Variants in PDE4D observed in about 807,000 individuals in gnomAD.
PDE4D encodes phosphodiesterase 4D.
A neutral mutation model predicts 87.4 loss-of-function variants in PDE4D; 24 were observed. That is an observed-to-expected ratio of 0.27 (90% CI 0.20 to 0.39). The LOEUF is 0.39. PDE4D is among the 10% of genes least tolerant of loss of function. The pLI, the probability that PDE4D is intolerant of heterozygous loss-of-function variation, is 1.00. For missense variants in PDE4D, 714 were observed against 1,041.0 expected, an observed-to-expected ratio of 0.69 and a Z score of 4.32; for synonymous variants, 384 against 383.2, an observed-to-expected ratio of 1.00 and a Z score of -0.02.
At chr5:59,893,729 C>T, upstream of PDE4D, 1 of 1,376,224 alleles carries the variant, frequency 7.3e-7, no homozygotes. Context: ...GCTTCTGCAG[C>T]CCAGCAGAGG....
intron 1 of PDE4D, among the ~76,000 whole-genome samples, chr5:60,371,568 CA>C (rs1761034525): frequency 6.6e-6 from 1 of 152,128 alleles, no homozygotes; most frequent in Non-Finnish European, 1.5e-5. Flanking sequence ...AGAAAGTACA[CA>C]AATCATAAAG....
Position 60,423,598 on chromosome 5 carries a change from A to AT in PDE4D, c.-90+64343dup, listed in dbSNP as rs550899816. On this transcript the variant is annotated intron_variant, in intron 1 of 16. Transcript: ENST00000502484. ...ATGCACACAAGAGAAAGCAGGAAAGATCTAAAATCGACACCTTAACATCAC... is the reference window on the plus strand; with the variant it reads ...ATGCACACAAGAGAAAGCAGGAAAGATTCTAAAATCGACACCTTAACATCAC... Among the ~76,000 whole-genome samples the AT allele has an allele frequency of 1.8e-3, 281 of 152,298 alleles. 1 individual carries two copies. The highest frequency in any genetic ancestry group is 2.6e-3 in the Non-Finnish European group (177 of 68,026).
intron 5 of PDE4D, among the ~76,000 whole-genome samples, chr5:59,173,297 A>G (rs1783303908): frequency 6.6e-6 from 1 of 152,232 alleles, no homozygotes; most frequent in East Asian, 1.9e-4. Context: ...CCACGGTGTC[A>G]GATCTGATCT....
chr5:60,507,589 T>G (rs942158459), intron 1 of PDE4D, among the ~76,000 whole-genome samples: 1 of 152,162 alleles, frequency 6.6e-6, no homozygotes, highest in Non-Finnish European at 1.5e-5. Context: ...ATACTGCCAC[T>G]GACAATATAG....
intron 3 of PDE4D, among the ~76,000 whole-genome samples, chr5:59,966,775 A>G (rs1737708785): frequency 6.6e-6 from 1 of 152,218 alleles, no homozygotes; most frequent in Non-Finnish European, 1.5e-5. Flanking sequence ...GTTTAATAAC[A>G]GAGCTTAGTG....
At chr5:59,530,276 T>TA (rs1046078034) in intron 1 of PDE4D, among the ~76,000 whole-genome samples, 11 of 151,302 alleles carry the variant, frequency 7.3e-5, no homozygotes, top group South Asian at 2.1e-4. Flanking sequence ...TACTAAAACT[T>TA]AAAAAAAAAT....
At chr5:59,479,014 G>A (rs893067543) in intron 1 of PDE4D, among the ~76,000 whole-genome samples, 2 of 152,042 alleles carry the variant, frequency 1.3e-5, no homozygotes, top group African/African-American at 4.8e-5. Context: ...AATATCTGTT[G>A]CTTTTGGGTG....
chr5:60,351,665 T>C (rs1471979989), intron 1 of PDE4D, among the ~76,000 whole-genome samples: 1 of 152,206 alleles, frequency 6.6e-6, no homozygotes, highest in South Asian at 2.1e-4. Context: ...AATAAACACG[T>C]ATGTCTGTAT....
At chr5:60,265,700 G>A (rs1257907162) in intron 1 of PDE4D, among the ~76,000 whole-genome samples, 2 of 152,064 alleles carry the variant, frequency 1.3e-5, no homozygotes, top group African/African-American at 2.4e-5. Context: ...CTCCCACTCT[G>A]TACCTGGCAA....
At chr5:60,015,651 TAATCAGTA>T (rs1765433311) in intron 2 of PDE4D, among the ~76,000 whole-genome samples, 1 of 152,136 alleles carries the variant, frequency 6.6e-6, no homozygotes, top group Non-Finnish European at 1.5e-5. Context: ...TAGATGAGAT[TAATCAGTA>T]AATGAGTAAA....
chr5:59,122,591 G>A (rs149706803), intron 5 of PDE4D, among the ~76,000 whole-genome samples: 3 of 152,256 alleles, frequency 2.0e-5, no homozygotes, highest in African/African-American at 7.2e-5. Flanking sequence ...TAAATACCCC[G>A]ATTCCATCAT....
chr5:59,661,988 C>T (rs1428669044), intron 1 of PDE4D, among the ~76,000 whole-genome samples: 1 of 152,134 alleles, frequency 6.6e-6, no homozygotes, highest in Non-Finnish European at 1.5e-5. Context: ...ATTGCTGAGA[C>T]CCATTGTCTG....
At chr5:59,446,257 C>G (rs954464796) in intron 1 of PDE4D, among the ~76,000 whole-genome samples, 1 of 151,840 alleles carries the variant, frequency 6.6e-6, no homozygotes, top group African/African-American at 2.4e-5. Flanking sequence ...AATTTTAACA[C>G]TTATAAGTGT....
chr5:59,841,912 C>A (rs150607594), intron 1 of PDE4D, among the ~76,000 whole-genome samples: 338 of 152,100 alleles, frequency 2.2e-3, no homozygotes, highest in African/African-American at 7.8e-3. Flanking sequence ...AGGAAGGGGG[C>A]TGCAGAGAGA....
rs1479350649 is a variant in PDE4D at position 60,089,618 on chromosome 5, A to G, written c.42+95939T>C. Among the ~76,000 whole-genome samples, 6 of 152,094 alleles carry G rather than the reference A, an allele frequency of 3.9e-5. No individual in the cohort carries two copies. The East Asian group carries it at 1.2e-3, about 29-fold the overall frequency. On this transcript the variant is annotated intron_variant, in intron 2 of 16. Transcript: ENST00000502484. Reference sequence around the variant, plus strand: ...AAAGACTTCAAACAAACAACCTAACATTGTACTTCAAGGAACTAAAAAAGC... The same window carrying G: ...AAAGACTTCAAACAAACAACCTAACGTTGTACTTCAAGGAACTAAAAAAGC...
chr5:59,286,858 G>A (rs1042857028), intron 1 of PDE4D, among the ~76,000 whole-genome samples: 4 of 152,112 alleles, frequency 2.6e-5, no homozygotes, highest in Non-Finnish European at 5.9e-5. Flanking sequence ...TACTATGTTG[G>A]TTCTTTCCTT....
At position 58,969,460 on chromosome 5, in the gene PDE4D, C is replaced by T. The variant is rs1367937586; in HGVS notation, c.*5204G>A. On this transcript the variant is annotated 3_prime_UTR_variant, in exon 15 of 15. Transcript: ENST00000340635. ...CTTTGCAAATGTTTCTTGTCTGGATCCCCTTCCTCTTCCTGTCAACTTTTT... is the reference window on the plus strand; with the variant it reads ...CTTTGCAAATGTTTCTTGTCTGGATTCCCTTCCTCTTCCTGTCAACTTTTT... 6.6e-6 allele frequency: 1 copy of T among 152,156 alleles called. No homozygotes were observed. The highest frequency in any genetic ancestry group is 1.5e-5 in the Non-Finnish European group (1 of 68,030). The allele number at this position is 152,156 out of a possible 1,614,324, so 9.4% of individuals were successfully genotyped here. A position where few individuals can be genotyped will look rare whatever the true frequency, so the allele number is the denominator to read the frequency against.
chr5:59,647,363 G>A (rs1742640822), intron 1 of PDE4D, among the ~76,000 whole-genome samples: 2 of 151,606 alleles, frequency 1.3e-5, no homozygotes. Context: ...ATAAACTGAG[G>A]TCTGTATAAT....
rs143275745 is a variant in PDE4D, at chr5:59,509,621, G to A, written c.456-293653C>T. On this transcript the variant is annotated intron_variant, in intron 1 of 14. Transcript: ENST00000340635. ...AGATATTATTTAACTTCAGCCTTAA[G>A]TTACATATTTGGAAAATTTTTTAGG... 3.1e-3 allele frequency among the ~76,000 whole-genome samples: 466 copies of A among 151,244 alleles called. 1 individual carries two copies. The highest frequency in any genetic ancestry group is 0.011 in the African/African-American group (452 of 41,424).
Sources: allele counts gnomAD v4.1 joint callset (sites outside exome capture counted in the v4.1 genomes callset), GRCh38; gene constraint gnomAD v4.1.1; transcripts MANE v1.5; gene names NCBI Gene and HGNC (gene_info 2026-07-23, HGNC 2026-07-21).